Variants in PTPRG observed in about 807,000 individuals in gnomAD.
PTPRG encodes the protein receptor-type tyrosine-protein phosphatase gamma.
Under a neutral mutation model 165.3 loss-of-function variants are expected in PTPRG, and 102 were observed. The observed-to-expected ratio is 0.62, with a 90% CI of 0.53 to 0.73. The LOEUF (loss-of-function observed/expected upper bound fraction) is 0.73, where lower values mean the gene tolerates loss of function less well. PTPRG is among the 30% of genes least tolerant of loss of function. The pLI is 0.00. For synonymous variants in PTPRG, 675 were observed against 669.5 expected (o/e 1.01, Z -0.13); for missense variants, 1,866 against 1,861.4 (o/e 1.00, Z -0.05).
At chr3:62,066,009 G>A (rs1051853448) in intron 4 of PTPRG, among the ~76,000 whole-genome samples, 14 of 152,228 alleles carry the variant, frequency 9.2e-5, no homozygotes, top group African/African-American at 3.4e-4. Flanking sequence ...CCATGATGTG[G>A]TAGCATTCAG....
At chr3:61,685,430 G>C (rs572797647) in intron 1 of PTPRG, among the ~76,000 whole-genome samples, 1 of 152,200 alleles carries the variant, frequency 6.6e-6, no homozygotes, top group East Asian at 1.9e-4. Context: ...AGCAGTGCAA[G>C]GAATTCATTG....
chr3:61,852,343 G>A (rs2107368817), intron 2 of PTPRG, among the ~76,000 whole-genome samples: 1 of 152,282 alleles, frequency 6.6e-6, no homozygotes, highest in South Asian at 2.1e-4. Context: ...TGGAGAATAT[G>A]TCATGACAAT....
rs577838732 is a variant in PTPRG at position 62,197,304 on chromosome 3, TA to T, written c.1327+2139del. On this transcript the variant is annotated intron_variant, in intron 10 of 29. Coordinates refer to ENST00000474889, the MANE Select transcript of PTPRG (RefSeq NM_002841.4). ...AAATCCCCCCCTTAGTATTAGTATA[TA>T]AAAATAATAAATAATAAACCTAGGA... Among the ~76,000 whole-genome samples, 549 of 152,242 alleles carry T rather than the reference TA, an allele frequency of 3.6e-3. 3 individuals are homozygous for T. The highest frequency in any genetic ancestry group is 0.013 in the African/African-American group (525 of 41,534).
chr3:61,573,513 A>C (rs956690330), intron 1 of PTPRG, among the ~76,000 whole-genome samples: 1 of 152,206 alleles, frequency 6.6e-6, no homozygotes, highest in African/African-American at 2.4e-5. Flanking sequence ...GGAAGATTTG[A>C]GGGGATGATT....
At chr3:62,244,935 A>C (rs1701257288) in intron 15 of PTPRG, among the ~76,000 whole-genome samples, 1 of 152,150 alleles carries the variant, frequency 6.6e-6, no homozygotes, top group Non-Finnish European at 1.5e-5. Context: ...CCATGGAGAA[A>C]TGCTTCTATT....
intron 2 of PTPRG, among the ~76,000 whole-genome samples, chr3:61,838,766 T>A (rs1445644065): frequency 1.3e-5 from 2 of 152,232 alleles, no homozygotes; most frequent in Non-Finnish European, 2.9e-5. Context: ...GAGCTTTTTC[T>A]TCTTCATTTG....
chr3:62,078,150 A>ATT lies in PTPRG; in HGVS notation c.520-12_520-11dup. The ATT allele has an allele frequency of 6.4e-7, 1 of 1,550,806 alleles. No individual in the cohort carries two copies. On this transcript the variant is annotated splice_polypyrimidine_tract_variant and intron_variant, in intron 4 of 29. Coordinates refer to ENST00000474889, the MANE Select transcript of PTPRG (RefSeq NM_002841.4). ...AAAATTTTCCTAATACATTTTTTTAATTGTTCTTACAGATGCAGATTTTCT... is the reference window on the plus strand; with the variant it reads ...AAAATTTTCCTAATACATTTTTTTAATTTTGTTCTTACAGATGCAGATTTTCT...
chr3:62,034,062 G>A (rs150629282), intron 4 of PTPRG, among the ~76,000 whole-genome samples: 1,705 of 152,236 alleles, frequency 0.011, 35 homozygotes, highest in African/African-American at 0.038. Context: ...CACTGAGCCC[G>A]GCCAGCTGAT....
At chr3:61,576,480 G>A (rs1412808739) in intron 1 of PTPRG, among the ~76,000 whole-genome samples, 1 of 152,178 alleles carries the variant, frequency 6.6e-6, no homozygotes, top group Non-Finnish European at 1.5e-5. Context: ...CAGAGGAATT[G>A]GAGGTTGGCA....
intron 2 of PTPRG, chr3:61,750,472 T>G (rs1253570412): frequency 6.6e-6 from 1 of 152,228 alleles, no homozygotes; most frequent in Non-Finnish European, 1.5e-5. Flanking sequence ...ATGGAGTGAT[T>G]GTTGATGTCT....
At chr3:61,841,810 TCAAAAACAAAAA>T (rs904939512) in intron 2 of PTPRG, among the ~76,000 whole-genome samples, 2 of 151,498 alleles carry the variant, frequency 1.3e-5, no homozygotes, top group African/African-American at 4.9e-5. Context: ...AGACTCCATC[TCAAAAACAAAAA>T]CAAAAACAAA....
At chr3:61,671,800 G>A (rs1268444370) in intron 1 of PTPRG, among the ~76,000 whole-genome samples, 18 of 133,178 alleles carry the variant, frequency 1.4e-4, no homozygotes, top group African/African-American at 4.6e-4. Flanking sequence ...CGGATGGGGC[G>A]GCTGGCCGGG....
At position 62,219,461 on chromosome 3, in the gene PTPRG, C is replaced by T. The variant is rs963302131; in HGVS notation, c.2288+478C>T. 2.8e-4 allele frequency among the ~76,000 whole-genome samples: 42 copies of T among 152,234 alleles called. No individual in the cohort carries two copies. The highest frequency in any genetic ancestry group is 1.7e-3 in the South Asian group (8 of 4,824). On this transcript the variant is annotated intron_variant, in intron 13 of 29. Coordinates refer to ENST00000474889, the MANE Select transcript of PTPRG (RefSeq NM_002841.4). This position sits in a 1 kb window ranked among gnomAD's most constrained non-coding sequence, Gnocchi z 4.5. ...AATTGGGTGATAGGAAAACATTTAG[C>T]ATATTATGTGGTATTTAATATATGT... is the stretch of plus-strand genomic sequence containing the variant.
chr3:62,152,978 T>TA (rs1704391727), intron 6 of PTPRG, among the ~76,000 whole-genome samples: 1 of 152,250 alleles, frequency 6.6e-6, no homozygotes, highest in Non-Finnish European at 1.5e-5. Context: ...AGTGAAATGT[T>TA]ATTCCCCCAA....
At chr3:61,917,685 T>C (rs2038974806) in intron 2 of PTPRG, among the ~76,000 whole-genome samples, 1 of 152,196 alleles carries the variant, frequency 6.6e-6, no homozygotes, top group African/African-American at 2.4e-5. Flanking sequence ...ATCCCAGCAC[T>C]TTGCGAGGCT....
chr3:62,149,337 G>C (rs532585815), intron 6 of PTPRG, among the ~76,000 whole-genome samples: 14 of 148,130 alleles, frequency 9.5e-5, no homozygotes, highest in African/African-American at 3.5e-4. Context: ...GCAGTGGCGC[G>C]ATCTTGGCTC....
intron 4 of PTPRG, among the ~76,000 whole-genome samples, chr3:62,050,180 C>T (rs1700426981): frequency 6.6e-6 from 1 of 152,176 alleles, no homozygotes; most frequent in African/African-American, 2.4e-5. Context: ...AATAGAAATA[C>T]AGTTACACAC....
chr3:61,896,944 A>C (rs1436041868), intron 2 of PTPRG, among the ~76,000 whole-genome samples: 2 of 133,340 alleles, frequency 1.5e-5, no homozygotes, highest in African/African-American at 6.6e-5. Context: ...AAATTTTGAG[A>C]GGTTTTTTTT....
intron 4 of PTPRG, among the ~76,000 whole-genome samples, chr3:62,019,173 C>T (rs554088829): frequency 1.1e-4 from 16 of 152,250 alleles, no homozygotes; most frequent in African/African-American, 3.1e-4. Flanking sequence ...GGTCCCTCTG[C>T]GACCTCCTGA....
Sources: gnomAD v4.1 joint callset for allele counts (sites outside exome capture counted in the v4.1 genomes callset) on GRCh38, gnomAD v4.1.1 for gene constraint, Gnocchi (gnomAD v3.1) non-coding constraint, MANE v1.5 for transcripts, NCBI Gene and HGNC (gene_info 2026-07-23, HGNC 2026-07-21) for gene names.